ARIH1: variants seen among roughly 807,000 people sequenced by gnomAD.
The protein encoded by ARIH1 is ariadne RBR E3 ubiquitin protein ligase 1, also known as E3 ubiquitin-protein ligase ARIH1.
Under a neutral mutation model 85.0 loss-of-function variants are expected in ARIH1, and 8 were observed. The ratio of observed to expected loss-of-function variants is 0.09; its 90% CI spans 0.06 to 0.17. The LOEUF is 0.17. Among genes scored for constraint, ARIH1 ranks in the 10% least tolerant of loss-of-function variants. The pLI is 1.00. For synonymous variants in ARIH1, 238 were observed against 253.6 expected (o/e 0.94, Z 0.59); for missense variants, 311 against 718.1 (o/e 0.43, Z 6.48).
intron 1 of ARIH1, among the ~76,000 whole-genome samples, chr15:72,500,033 G>T (rs1013374032): frequency 2.6e-5 from 4 of 152,102 alleles, no homozygotes; most frequent in African/African-American, 9.7e-5. Flanking sequence ...GAATATTTGT[G>T]CAAGACATTG....
At chr15:72,508,804 C>G (rs2063937212) in intron 1 of ARIH1, among the ~76,000 whole-genome samples, 1 of 151,732 alleles carries the variant, frequency 6.6e-6, no homozygotes, top group African/African-American at 2.4e-5. Context: ...AGCAATTCTC[C>G]TGTCTCAGAC....
intron 1 of ARIH1, among the ~76,000 whole-genome samples, chr15:72,481,835 T>A (rs2140391030): frequency 6.6e-6 from 1 of 152,244 alleles, no homozygotes; most frequent in Non-Finnish European, 1.5e-5. Flanking sequence ...TATTTTCTTT[T>A]CTTTTCTTTT....
rs2064323473 is a variant in ARIH1, at chr15:72,587,753, C to A, written c.*4461C>A. On this transcript the variant is annotated 3_prime_UTR_variant, in exon 14 of 14. Transcript: ENST00000379887. ...TTTTGCTTCTGTAGTTACCCAAGAT[C>A]AAATAGCCAACTCAGAAATACTCAG... 6.6e-6 allele frequency: 1 copy of A among 152,502 alleles called. No individual in the cohort carries two copies. The highest frequency in any genetic ancestry group is 6.5e-5 in the Admixed American group (1 of 15,288). The allele number at this position is 152,502 out of a possible 1,614,324, so 9.4% of individuals were successfully genotyped here. A position where few individuals can be genotyped will look rare whatever the true frequency, so the allele number is the denominator to read the frequency against.
chr15:72,492,459 C>T (rs1209855287), intron 1 of ARIH1, among the ~76,000 whole-genome samples: 1 of 152,164 alleles, frequency 6.6e-6, no homozygotes, highest in African/African-American at 2.4e-5. Flanking sequence ...GAGCTTATTA[C>T]TAATGCCGTT....
At chr15:72,565,529 G>A (rs1296723784) in intron 7 of ARIH1, among the ~76,000 whole-genome samples, 1 of 152,012 alleles carries the variant, frequency 6.6e-6, no homozygotes, top group African/African-American at 2.4e-5. Flanking sequence ...AAAAGAGCAG[G>A]TAAGCTCACA....
Position 72,474,606 on chromosome 15 carries a change from G to A in ARIH1, c.-34G>A, listed in dbSNP as rs768977916. 18 of 1,495,198 alleles carry A rather than the reference G, an allele frequency of 1.2e-5. No individual in the cohort carries two copies. In the African/African-American group the frequency reaches 2.0e-4, roughly 17 times the overall value. 92.6% of individuals were successfully genotyped at this position (1,495,198 alleles called of 1,614,324 possible). ...GGCGTCCCCGCCCTCTCCCCGCCTC[G>A]GCCAGCGTCCGCCGGGCCCCCGCGC... On this transcript the variant is annotated 5_prime_UTR_variant, in exon 1 of 14. Transcript: ENST00000379887.
chr15:72,474,620 G>C lies in ARIH1; in HGVS notation c.-20G>C, dbSNP rs1433281454. 5.3e-6 allele frequency: 8 copies of C among 1,502,722 alleles called. No individual in the cohort carries two copies. In the Middle Eastern group the frequency reaches 5.4e-4, roughly 102 times the overall value. 93.1% of individuals were successfully genotyped at this position (1,502,722 alleles called of 1,614,324 possible). A position where few individuals can be genotyped will look rare whatever the true frequency, so the allele number is the denominator to read the frequency against. On this transcript the variant is annotated 5_prime_UTR_variant, in exon 1 of 14. Transcript: ENST00000379887. ...CTCCCCGCCTCGGCCAGCGTCCGCC[G>C]GGCCCCCGCGCGTCGCGCCATGGAC... is the stretch of plus-strand genomic sequence containing the variant.
At chr15:72,551,533 A>G (rs540630376) in intron 3 of ARIH1, among the ~76,000 whole-genome samples, 192 of 152,344 alleles carry the variant, frequency 1.3e-3, no homozygotes, top group Non-Finnish European at 1.6e-3. Context: ...CATTTCAAAT[A>G]AGGTGGATTA....
intron 2 of ARIH1, among the ~76,000 whole-genome samples, chr15:72,537,489 G>A (rs1260869253): frequency 6.6e-6 from 1 of 152,048 alleles, no homozygotes; most frequent in Non-Finnish European, 1.5e-5. Context: ...ATTTATTTTA[G>A]TATTTTTTAT....
chr15:72,560,307 A>G (rs2064192383), intron 5 of ARIH1, among the ~76,000 whole-genome samples: 1 of 152,206 alleles, frequency 6.6e-6, no homozygotes, highest in Non-Finnish European at 1.5e-5. Context: ...GGGTATCTAT[A>G]TCCAAACGAG....
intron 2 of ARIH1, among the ~76,000 whole-genome samples, chr15:72,540,996 C>T (rs2064104650): frequency 6.6e-6 from 1 of 152,056 alleles, no homozygotes; most frequent in Non-Finnish European, 1.5e-5. Context: ...CCAGCGGAGT[C>T]AAAGGAATGA....
rs1216884198 is a variant in ARIH1 at position 72,587,806 on chromosome 15, A to G, written c.*4514A>G. 1 of 152,252 alleles carries G rather than the reference A, an allele frequency of 6.6e-6. No homozygotes were observed. Among genetic ancestry groups the G allele is most frequent in the Admixed American group, 6.5e-5 (1 of 15,274 alleles). The allele number at this position is 152,252 out of a possible 1,614,324, so 9.4% of individuals were successfully genotyped here. A position where few individuals can be genotyped will look rare whatever the true frequency, so the allele number is the denominator to read the frequency against. On this transcript the variant is annotated 3_prime_UTR_variant, in exon 14 of 14. Transcript: ENST00000379887. ...GGATATCAATCAAATAGTGCCTACC[A>G]GGGGAGTAAACAGACAACTTTTAGG...
chr15:72,503,803 G>A (rs115178406), intron 1 of ARIH1, among the ~76,000 whole-genome samples: 2,362 of 152,310 alleles, frequency 0.016, 56 homozygotes, highest in Admixed American at 0.057. Flanking sequence ...GAGGGAGCAC[G>A]TGAGCAAGTG....
At chr15:72,521,789 T>C (rs778170582) in intron 2 of ARIH1, among the ~76,000 whole-genome samples, 1 of 152,148 alleles carries the variant, frequency 6.6e-6, no homozygotes, top group Non-Finnish European at 1.5e-5. Flanking sequence ...CTTCAGGTGA[T>C]CTTCCCCTCT....
intron 1 of ARIH1, among the ~76,000 whole-genome samples, chr15:72,510,151 C>A (rs2063943622): frequency 6.6e-6 from 1 of 152,040 alleles, no homozygotes; most frequent in African/African-American, 2.4e-5. Context: ...TTAAAATGGG[C>A]TTTTATTTTC....
chr15:72,544,780 A>G, intron 2 of ARIH1, 40 bp from the exon 3 acceptor site: 1 of 1,575,320 alleles, frequency 6.3e-7, no homozygotes, highest in Non-Finnish European at 8.7e-7. Context: ...AACAGTGTGC[A>G]AGTTGCTGGG....
In ARIH1 at chr15:72,588,333, C is replaced by T. The variant is rs17753089; in HGVS notation, c.*5041C>T. 0.24 allele frequency: 37,031 copies of T among 152,042 alleles called. 5,952 individuals carry two copies. The highest frequency in any genetic ancestry group is 0.35 in the Non-Finnish European group (23,631 of 67,938). 9.4% of individuals were successfully genotyped at this position (152,042 alleles called of 1,614,324 possible). A position where few individuals can be genotyped will look rare whatever the true frequency, so the allele number is the denominator to read the frequency against. ...CAATGCCACTGTCCATCTGGCATTA[C>T]CTAGACCAGTGATACTTAAACTTGA... On this transcript the variant is annotated 3_prime_UTR_variant, in exon 14 of 14. Transcript: ENST00000379887.
At chr15:72,569,476 C>T (rs2064234480) in intron 9 of ARIH1, among the ~76,000 whole-genome samples, 1 of 152,130 alleles carries the variant, frequency 6.6e-6, no homozygotes, top group Non-Finnish European at 1.5e-5. Flanking sequence ...GTCTGATTTC[C>T]TAGTTACCTG....
At chr15:72,563,609 G>A in intron 7 of ARIH1, 109 bp downstream of exon 7, 1 of 852,488 alleles carries the variant, frequency 1.2e-6, no homozygotes, top group Non-Finnish European at 1.9e-6. Flanking sequence ...TAGGCAGGGA[G>A]ATGTTTGATA....
Sources: allele counts gnomAD v4.1 joint callset (sites outside exome capture counted in the v4.1 genomes callset), GRCh38; gene constraint gnomAD v4.1.1; transcripts MANE v1.5; gene names NCBI Gene and HGNC (gene_info 2026-07-23, HGNC 2026-07-21).